The following PRDM7 variants were observed in gnomAD, a reference collection of about 807,000 sequenced individuals.
The protein encoded by PRDM7 is PR/SET domain 7, also known as histone-lysine N-methyltransferase PRDM7.
PRDM7 carries 52 observed loss-of-function variants against 64.3 expected under a neutral mutation model. The ratio of observed to expected loss-of-function variants is 0.81; its 90% CI spans 0.65 to 1.02. The LOEUF is 1.02. Among genes scored for constraint, PRDM7 ranks in the 50% least tolerant of loss-of-function variants. The pLI is 0.00. For missense variants in PRDM7, 574 were observed against 597.1 expected, an observed-to-expected ratio of 0.96 and a Z score of 0.40; for synonymous variants, 192 against 210.1, an observed-to-expected ratio of 0.91 and a Z score of 0.74.
At chr16:90,074,145 A>G (rs2038000633) in intron 4 of PRDM7, among the ~76,000 whole-genome samples, 1 of 152,060 alleles carries the variant, frequency 6.6e-6, no homozygotes, top group African/African-American at 2.4e-5. Flanking sequence ...CTGTAATCCC[A>G]GCACTTTGGG....
chr16:90,071,404 C>T (rs894004266), intron 4 of PRDM7, among the ~76,000 whole-genome samples: 3 of 152,212 alleles, frequency 2.0e-5, no homozygotes, highest in South Asian at 4.1e-4. Context: ...GCTGGGATTA[C>T]AGGCGTGAGC....
chr16:90,075,525 G>C lies in PRDM7; in HGVS notation c.70-51C>G. 1.9e-6 allele frequency: 3 copies of C among 1,613,980 alleles called. No individual in the cohort carries two copies. The highest frequency in any genetic ancestry group is 2.7e-5 in the African/African-American group (2 of 75,040). On this transcript the variant is annotated intron_variant, in intron 2 of 10. Coordinates refer to ENST00000449207, the MANE Select transcript of PRDM7 (RefSeq NM_001098173.2). The surrounding 1 kb of genome is among the most constrained non-coding windows in gnomAD (Gnocchi z 4.3). ...GTGATTTACTAATACACATCGAGCT[G>C]GTCCTTTTCCTCTACCCTGCGTGTA...
chr16:90,059,512 C>G (rs1424650783), intron 10 of PRDM7, among the ~76,000 whole-genome samples: 1 of 152,270 alleles, frequency 6.6e-6, no homozygotes, highest in Non-Finnish European at 1.5e-5. Context: ...TGAACCAAAG[C>G]TGAACTCTTT....
At chr16:90,068,621 C>T (rs1277833294) in intron 4 of PRDM7, among the ~76,000 whole-genome samples, 2 of 144,660 alleles carry the variant, frequency 1.4e-5, no homozygotes, top group African/African-American at 2.7e-5. Context: ...GATGACAGAG[C>T]GAGACTCCGT....
At position 90,057,880 on chromosome 16, in the gene PRDM7, C is replaced by G; in HGVS notation, c.*409G>C. On this transcript the variant is annotated 3_prime_UTR_variant, in exon 11 of 11. Transcript: ENST00000449207. ...AGACTGGGGCGTCTCCCCTGTGTGTCCTCTGGTGAATGAGGAGGACTGACT... is the reference window on the plus strand; with the variant it reads ...AGACTGGGGCGTCTCCCCTGTGTGTGCTCTGGTGAATGAGGAGGACTGACT... 1 of 1,521,896 alleles carries G rather than the reference C, an allele frequency of 6.6e-7. No homozygotes were observed. The allele number at this position is 1,521,896 out of a possible 1,614,324, so 94.3% of individuals were successfully genotyped here.
chr16:90,075,391 A>G lies in PRDM7; in HGVS notation c.153T>C (p.Tyr51=). The change falls in exon 3 of 11, where the codon TAT becomes TAC. Residue 51 remains tyrosine, a synonymous_variant. Transcript: ENST00000449207. This position sits in a 1 kb window ranked among gnomAD's most constrained non-coding sequence, Gnocchi z 4.3. ...CATTATAGTTCATTTTCACATTCCTATAGCGAGTTTTCTCCCAGTCTCCCA... is the reference window on the plus strand; with the variant it reads ...CATTATAGTTCATTTTCACATTCCTGTAGCGAGTTTTCTCCCAGTCTCCCA... ...AEMGDWEKTR[Y]RNVKMNYNAL... is the part of the protein sequence containing the mutation. 1 of 1,614,192 alleles carries G rather than the reference A, an allele frequency of 6.2e-7. No homozygotes were observed. The highest frequency in any genetic ancestry group is 8.5e-7 in the Non-Finnish European group (1 of 1,180,046).
intron 6 of PRDM7, among the ~76,000 whole-genome samples, chr16:90,063,003 A>G (rs540116380): frequency 6.6e-6 from 1 of 152,370 alleles, no homozygotes; most frequent in South Asian, 2.1e-4. Flanking sequence ...TTCAAACAAT[A>G]CATGAGCTCT....
chr16:90,058,395 C>G lies in PRDM7; in HGVS notation c.1373G>C (p.Arg458Thr). ...DHLQENFSNQ[R>T]IPAQGIRIRS... ...GATTCTGATCCCCTGGGCAGGGATT[C>G]TCTGGTTGGAGAAGTTTTCTTGCAG... Residue 458 changes from arginine to threonine, a missense_variant, in exon 11 of 11, where the codon AGA becomes ACA. Arg to Thr is a moderately conservative substitution (Grantham distance 71). Transcript: ENST00000449207. 2.5e-6 allele frequency: 4 copies of G among 1,614,184 alleles called. No homozygotes were observed. Among genetic ancestry groups the G allele is most frequent in the Non-Finnish European group, 3.4e-6 (4 of 1,180,042 alleles).
At chr16:90,066,593 T>C (rs570773510) in intron 5 of PRDM7, among the ~76,000 whole-genome samples, 1 of 151,258 alleles carries the variant, frequency 6.6e-6, no homozygotes, top group South Asian at 2.1e-4. Context: ...ATAGGTACTA[T>C]ATGTGAAGTT....
At chr16:90,076,811 C>T (rs1286660022) in intron 1 of PRDM7, among the ~76,000 whole-genome samples, 1 of 151,894 alleles carries the variant, frequency 6.6e-6, no homozygotes, top group Non-Finnish European at 1.5e-5. Flanking sequence ...TTGGGTCTCT[C>T]ATTAATGGGT....
intron 4 of PRDM7, among the ~76,000 whole-genome samples, chr16:90,072,494 T>C (rs2037975308): frequency 6.6e-6 from 1 of 152,134 alleles, no homozygotes; most frequent in African/African-American, 2.4e-5. Flanking sequence ...AAAAGACAAA[T>C]GTTTCATGGC....
chr16:90,062,404 G>A lies in PRDM7; in HGVS notation c.607C>T (p.Leu203Phe), dbSNP rs751075380. 1.2e-6 allele frequency: 2 copies of A among 1,613,914 alleles called. No homozygotes were observed. Among genetic ancestry groups the A allele is most frequent in the Admixed American group, 1.7e-5 (1 of 60,020 alleles). Reference sequence around the variant, plus strand: ...AGTGGCTGAAAGGGTCACTCACAGAGGTAGTCATCATCCTGTGGCTCGCTG... The same window carrying A: ...AGTGGCTGAAAGGGTCACTCACAGAAGTAGTCATCATCCTGTGGCTCGCTG... ...EISEPQDDDY[L>F]YCEMCQNFFI... is the part of the protein sequence containing the mutation. The change falls in exon 7 of 11, where the codon CTC (leucine) becomes TTC (phenylalanine). Residue 203 changes from leucine (L) to phenylalanine (F), a missense_variant. Leu to Phe is a conservative substitution (Grantham distance 22). Transcript: ENST00000449207.
intron 4 of PRDM7, among the ~76,000 whole-genome samples, chr16:90,071,893 A>G (rs2037962573): frequency 6.6e-6 from 1 of 152,150 alleles, no homozygotes; most frequent in African/African-American, 2.4e-5. Context: ...GGTATATAAT[A>G]TATTAAAAAG....
intron 5 of PRDM7, among the ~76,000 whole-genome samples, chr16:90,065,553 G>C (rs1028217212): frequency 6.6e-6 from 1 of 150,898 alleles, no homozygotes; most frequent in African/African-American, 2.5e-5. Context: ...TGAGCTACAC[G>C]GCAAAACCCT....
Position 90,062,512 on chromosome 16 carries a change from A to G in PRDM7, c.509-10T>C. 1.9e-6 allele frequency: 3 copies of G among 1,605,252 alleles called. No individual in the cohort carries two copies. The highest frequency in any genetic ancestry group is 2.6e-6 in the Non-Finnish European group (3 of 1,172,002). On this transcript the variant is annotated splice_polypyrimidine_tract_variant and intron_variant, in intron 6 of 10. Transcript: ENST00000449207. Reference sequence around the variant, plus strand: ...TCCTTCCTCCTGAGTTCTAGGTTGGAGAAGAGTAGATGGGTAAAATTGGGA... The same window carrying G: ...TCCTTCCTCCTGAGTTCTAGGTTGGGGAAGAGTAGATGGGTAAAATTGGGA...
At position 90,057,802 on chromosome 16, in the gene PRDM7, T is replaced by C. The variant is rs2037706612; in HGVS notation, c.*487A>G. The C allele has an allele frequency of 2.0e-5, 28 of 1,387,470 alleles. No individual in the cohort carries two copies. The highest frequency in any genetic ancestry group is 2.6e-5 in the Non-Finnish European group (27 of 1,040,894). The allele number at this position is 1,387,470 out of a possible 1,614,324, so 85.9% of individuals were successfully genotyped here. A position where few individuals can be genotyped will look rare whatever the true frequency, so the allele number is the denominator to read the frequency against. On this transcript the variant is annotated 3_prime_UTR_variant, in exon 11 of 11. Coordinates refer to ENST00000449207, the MANE Select transcript of PRDM7 (RefSeq NM_001098173.2). ...GTGTGTGGTGATCACGTTTGTCTTC[T>C]TGTGGCTATTGAGATAAGGTTTTAT...
intron 10 of PRDM7, among the ~76,000 whole-genome samples, chr16:90,059,312 A>G (rs1028523627): frequency 6.6e-5 from 10 of 152,232 alleles, no homozygotes; most frequent in African/African-American, 1.4e-4. Context: ...CTGCACATCA[A>G]GTATTCATGT....
intron 4 of PRDM7, among the ~76,000 whole-genome samples, chr16:90,074,422 C>T (rs1246607288): frequency 6.7e-6 from 1 of 150,340 alleles, no homozygotes; most frequent in African/African-American, 2.5e-5. Context: ...ACAAAAAATA[C>T]AAAAATTAGC....
chr16:90,062,592 A>T, intron 6 of PRDM7, 90 bp from the exon 7 acceptor site: 1 of 1,128,714 alleles, frequency 8.9e-7, no homozygotes, highest in Non-Finnish European at 1.3e-6. Flanking sequence ...CTACCATCAA[A>T]TTAGCATCTA....
Sources: allele counts gnomAD v4.1 joint callset (sites outside exome capture counted in the v4.1 genomes callset), GRCh38; gene constraint gnomAD v4.1.1; non-coding constraint Gnocchi (gnomAD v3.1); transcripts MANE v1.5; gene names NCBI Gene and HGNC (gene_info 2026-07-23, HGNC 2026-07-21).